SPOCK1: variants seen among roughly 807,000 people sequenced by gnomAD.
The protein encoded by SPOCK1 is testican-1.
In SPOCK1, 23 loss-of-function variants were observed where a neutral mutation model predicts 55.3. The observed-to-expected ratio is 0.42, with a 90% CI of 0.30 to 0.59. The LOEUF (loss-of-function observed/expected upper bound fraction) is 0.59. SPOCK1 is among the 20% of genes least tolerant of loss of function. SPOCK1 has a pLI of 0.22. For synonymous variants in SPOCK1, 226 were observed against 221.0 expected (o/e 1.02, Z -0.20); for missense variants, 499 against 552.5 (o/e 0.90, Z 0.97).
intron 2 of SPOCK1, among the ~76,000 whole-genome samples, chr5:137,400,104 T>G (rs1268509348): frequency 6.6e-6 from 1 of 152,208 alleles, no homozygotes; most frequent in African/African-American, 2.4e-5. Context: ...CTTGCACACA[T>G]GGGCGTTAAG....
chr5:137,362,497 T>C (rs1750972605), intron 2 of SPOCK1, among the ~76,000 whole-genome samples: 1 of 151,674 alleles, frequency 6.6e-6, no homozygotes, highest in African/African-American at 2.4e-5. Context: ...GCCCGGCTAA[T>C]TTCTTTTTTT....
chr5:137,237,041 A>G (rs1209793939), intron 3 of SPOCK1, among the ~76,000 whole-genome samples: 3 of 152,210 alleles, frequency 2.0e-5, no homozygotes, highest in Admixed American at 1.3e-4. Flanking sequence ...ACTGTCCTCT[A>G]TAATGACTTC....
chr5:137,189,814 G>C (rs1469413267), intron 3 of SPOCK1, among the ~76,000 whole-genome samples: 2 of 152,046 alleles, frequency 1.3e-5, no homozygotes, highest in Non-Finnish European at 2.9e-5. Flanking sequence ...TGATTCATAA[G>C]TCTATATGCC....
chr5:137,442,234 T>G (rs1396646581), intron 2 of SPOCK1, among the ~76,000 whole-genome samples: 2 of 152,162 alleles, frequency 1.3e-5, no homozygotes, highest in Admixed American at 1.3e-4. Context: ...TAAACAGTCA[T>G]GCTAGCCCTT....
At chr5:137,470,296 A>G (rs1339375307) in intron 2 of SPOCK1, among the ~76,000 whole-genome samples, 2 of 152,214 alleles carry the variant, frequency 1.3e-5, no homozygotes, top group Non-Finnish European at 2.9e-5. Context: ...TTGCTGATTG[A>G]TCAAGAAAAA....
chr5:137,458,001 A>T (rs1753402115), intron 2 of SPOCK1, among the ~76,000 whole-genome samples: 1 of 152,216 alleles, frequency 6.6e-6, no homozygotes, highest in Admixed American at 6.5e-5. Context: ...CAGGGACTTA[A>T]AGGAATGTTG....
chr5:137,450,977 C>T (rs1236022259), intron 2 of SPOCK1, among the ~76,000 whole-genome samples: 3 of 152,264 alleles, frequency 2.0e-5, no homozygotes, highest in East Asian at 3.9e-4. Context: ...GCAAATTTCA[C>T]CAAGGCAAGA....
intron 3 of SPOCK1, among the ~76,000 whole-genome samples, chr5:137,178,430 C>T (rs957625333): frequency 6.6e-6 from 1 of 152,178 alleles, no homozygotes; most frequent in Non-Finnish European, 1.5e-5. Flanking sequence ...CTGGTAGGCA[C>T]CGGGCATGCG....
At chr5:137,163,108 T>C (rs1472002115) in intron 3 of SPOCK1, among the ~76,000 whole-genome samples, 1 of 152,156 alleles carries the variant, frequency 6.6e-6, no homozygotes, top group Non-Finnish European at 1.5e-5. Flanking sequence ...AAGGAAACAT[T>C]GCTCCAAAAA....
chr5:137,408,155 T>C (rs1187354441), intron 2 of SPOCK1, among the ~76,000 whole-genome samples: 1 of 152,246 alleles, frequency 6.6e-6, no homozygotes, highest in African/African-American at 2.4e-5. Context: ...TTAATGTCTG[T>C]CTGTTAGTTC....
chr5:137,226,788 T>C (rs546500077), intron 3 of SPOCK1, among the ~76,000 whole-genome samples: 17 of 152,346 alleles, frequency 1.1e-4, no homozygotes, highest in Admixed American at 5.2e-4. Context: ...TTATCCAGTT[T>C]AAGTATAACT....
rs374548045 is a variant in SPOCK1, at chr5:137,381,685, C to T, written c.187-114630G>A. On this transcript the variant is annotated intron_variant, in intron 2 of 10. Transcript: ENST00000394945. The stretch of plus-strand genomic sequence containing the variant: ...GAGCTGGAGTGGCTGGGATGTAGGG[C>T]GCCATGTCCCAAGGCTGCACAGAAC... Among the ~76,000 whole-genome samples, 209 of 152,288 alleles carry T rather than the reference C, an allele frequency of 1.4e-3. 1 individual carries two copies. The highest frequency in any genetic ancestry group is 4.8e-3 in the African/African-American group (198 of 41,562).
At chr5:137,328,167 G>A (rs1192434793) in intron 2 of SPOCK1, among the ~76,000 whole-genome samples, 1 of 152,202 alleles carries the variant, frequency 6.6e-6, no homozygotes, top group African/African-American at 2.4e-5. Context: ...CACTGGAAGG[G>A]CAACCATGTG....
intron 2 of SPOCK1, among the ~76,000 whole-genome samples, chr5:137,457,180 C>G (rs772894967): frequency 2.2e-4 from 34 of 152,060 alleles, no homozygotes; most frequent in Non-Finnish European, 4.0e-4. Context: ...GAGCAGAAAC[C>G]CACACATACA....
At chr5:137,320,937 G>A (rs1390099023) in intron 2 of SPOCK1, among the ~76,000 whole-genome samples, 2 of 152,126 alleles carry the variant, frequency 1.3e-5, no homozygotes, top group South Asian at 2.1e-4. Context: ...AGAGTTATAT[G>A]AATTATCTCA....
Position 137,296,870 on chromosome 5 carries a change from C to T in SPOCK1, c.187-29815G>A, listed in dbSNP as rs138374768. Among the ~76,000 whole-genome samples, 771 of 152,256 alleles carry T rather than the reference C, an allele frequency of 5.1e-3. 3 individuals carry two copies. The highest frequency in any genetic ancestry group is 0.018 in the African/African-American group (738 of 41,542). ...AGACCTAACAGCAGGCTTCCTGAGA[C>T]CAGGCTACCCAAGCCCTCCTGCAAA... On this transcript the variant is annotated intron_variant, in intron 2 of 10. Coordinates refer to ENST00000394945, the MANE Select transcript of SPOCK1 (RefSeq NM_004598.4).
At chr5:137,017,060 T>C (rs1353969280) in intron 6 of SPOCK1, among the ~76,000 whole-genome samples, 3 of 152,230 alleles carry the variant, frequency 2.0e-5, no homozygotes, top group Non-Finnish European at 4.4e-5. Context: ...CCTCCCCTGT[T>C]CTTCTAGCTG....
intron 6 of SPOCK1, among the ~76,000 whole-genome samples, chr5:137,021,597 A>G (rs1486231668): frequency 6.6e-6 from 1 of 152,242 alleles, no homozygotes; most frequent in African/African-American, 2.4e-5. Flanking sequence ...AAATGAATAT[A>G]CTAGCTGTGT....
chr5:137,204,758 T>C (rs1405531790), intron 3 of SPOCK1, among the ~76,000 whole-genome samples: 1 of 152,182 alleles, frequency 6.6e-6, no homozygotes, highest in African/African-American at 2.4e-5. Context: ...AGCTTCATCC[T>C]GCCTTTGGAA....
Sources: gnomAD v4.1 joint callset for allele counts (sites outside exome capture counted in the v4.1 genomes callset) on GRCh38, gnomAD v4.1.1 for gene constraint, MANE v1.5 for transcripts, NCBI Gene and HGNC (gene_info 2026-07-23, HGNC 2026-07-21) for gene names.